Variants in NOS1AP observed in about 807,000 individuals in gnomAD.
NOS1AP encodes the protein carboxyl-terminal PDZ ligand of neuronal nitric oxide synthase protein.
In NOS1AP, 21 loss-of-function variants were observed where a neutral mutation model predicts 56.2. The observed-to-expected ratio is 0.37, with a 90% CI of 0.26 to 0.54. The LOEUF (loss-of-function observed/expected upper bound fraction) is 0.54. NOS1AP is among the 20% of genes least tolerant of loss of function. NOS1AP has a pLI of 0.84. For missense variants in NOS1AP, 522 were observed against 657.8 expected, an observed-to-expected ratio of 0.79 and a Z score of 2.26; for synonymous variants, 270 against 274.6, an observed-to-expected ratio of 0.98 and a Z score of 0.17.
intron 5 of NOS1AP, among the ~76,000 whole-genome samples, chr1:162,335,780 C>A (rs899707665): frequency 6.6e-6 from 1 of 152,166 alleles, no homozygotes; most frequent in African/African-American, 2.4e-5. Context: ...ATGTCCCCTG[C>A]GTATATGCTC....
chr1:162,259,486 C>A (rs1654140441), intron 2 of NOS1AP, among the ~76,000 whole-genome samples: 1 of 151,996 alleles, frequency 6.6e-6, no homozygotes, highest in African/African-American at 2.4e-5. Context: ...TTGACTTTGC[C>A]ATTCTATAAT....
chr1:162,320,488 G>A (rs1302935143), intron 4 of NOS1AP, among the ~76,000 whole-genome samples: 1 of 152,192 alleles, frequency 6.6e-6, no homozygotes, highest in Non-Finnish European at 1.5e-5. Flanking sequence ...GAAAAGAGAA[G>A]AGGAAGGGTC....
intron 3 of NOS1AP, among the ~76,000 whole-genome samples, chr1:162,294,222 A>AAGAAGGAG (rs1553202664): frequency 2.0e-5 from 3 of 147,732 alleles, no homozygotes; most frequent in Admixed American, 6.7e-5. Flanking sequence ...GAAGGAAGGA[A>AAGAAGGAG]GGAAGAAAGA....
Position 162,186,335 on chromosome 1 carries a change from T to G in NOS1AP, c.177+31859T>G, listed in dbSNP as rs374830037. Among the ~76,000 whole-genome samples the G allele has an allele frequency of 3.1e-3, 469 of 150,786 alleles. 1 individual carries two copies. The highest frequency in any genetic ancestry group is 0.011 in the African/African-American group (450 of 40,636). On this transcript the variant is annotated intron_variant, in intron 2 of 9. Transcript: ENST00000361897. ...AATTATTGTTAAACAGTAATTTCTG[T>G]TTTTTTTAATGTAAAGCCTGACTCA...
chr1:162,282,897 G>T (rs1438083284), intron 2 of NOS1AP, among the ~76,000 whole-genome samples: 1 of 152,170 alleles, frequency 6.6e-6, no homozygotes, highest in African/African-American at 2.4e-5. Context: ...GCAGGTCTTG[G>T]CTGACATCTG....
chr1:162,323,232 G>A (rs1459699555), intron 4 of NOS1AP, among the ~76,000 whole-genome samples: 1 of 152,188 alleles, frequency 6.6e-6, no homozygotes, highest in Non-Finnish European at 1.5e-5. Flanking sequence ...CTAGAGTGAC[G>A]CTGCTGCAAA....
At chr1:162,301,583 G>C (rs1187236955) in intron 4 of NOS1AP, among the ~76,000 whole-genome samples, 1 of 152,226 alleles carries the variant, frequency 6.6e-6, no homozygotes, top group Non-Finnish European at 1.5e-5. Context: ...TGCCAACCAT[G>C]TGTATTGTCC....
intron 1 of NOS1AP, among the ~76,000 whole-genome samples, chr1:162,122,794 G>C (rs12089395): frequency 6.6e-6 from 1 of 151,986 alleles, no homozygotes; most frequent in Non-Finnish European, 1.5e-5. Context: ...CATGAGCCAT[G>C]GCACCCAGCC....
At chr1:162,227,331 C>T (rs1652979364) in intron 2 of NOS1AP, among the ~76,000 whole-genome samples, 1 of 152,170 alleles carries the variant, frequency 6.6e-6, no homozygotes, top group African/African-American at 2.4e-5. Context: ...TAAGCACATT[C>T]AGAATTATTT....
At chr1:162,283,121 T>C (rs1169277302) in intron 2 of NOS1AP, among the ~76,000 whole-genome samples, 2 of 151,598 alleles carry the variant, frequency 1.3e-5, no homozygotes, top group Admixed American at 6.6e-5. Flanking sequence ...TGTGTGTGTG[T>C]TAAAAATCCA....
intron 1 of NOS1AP, among the ~76,000 whole-genome samples, chr1:162,110,037 A>G (rs1327020935): frequency 6.6e-6 from 1 of 152,134 alleles, no homozygotes; most frequent in African/African-American, 2.4e-5. Flanking sequence ...AAAGCCATCA[A>G]CCTAGAGAGG....
intron 5 of NOS1AP, among the ~76,000 whole-genome samples, chr1:162,336,859 A>G (rs1656956866): frequency 6.6e-6 from 1 of 152,184 alleles, no homozygotes; most frequent in African/African-American, 2.4e-5. Flanking sequence ...GTGACTGGGA[A>G]GGATTGTCAG....
At chr1:162,295,467 A>G (rs1655427321) in intron 3 of NOS1AP, among the ~76,000 whole-genome samples, 1 of 152,200 alleles carries the variant, frequency 6.6e-6, no homozygotes, top group Non-Finnish European at 1.5e-5. Context: ...TTATAATCCC[A>G]TAGGTTTGGG....
chr1:162,339,669 G>A (rs991742633), intron 5 of NOS1AP, among the ~76,000 whole-genome samples: 1 of 152,184 alleles, frequency 6.6e-6, no homozygotes, highest in South Asian at 2.1e-4. Flanking sequence ...TCCCTCTTGG[G>A]TGCAGACATG....
intron 5 of NOS1AP, among the ~76,000 whole-genome samples, chr1:162,337,921 G>A (rs1425920680): frequency 1.3e-5 from 2 of 152,170 alleles, no homozygotes; most frequent in East Asian, 1.9e-4. Context: ...AGATCCTACT[G>A]TATGTAGAAG....
intron 3 of NOS1AP, among the ~76,000 whole-genome samples, chr1:162,292,036 A>C (rs17460657): frequency 0.044 from 6,711 of 152,322 alleles, 225 homozygotes; most frequent in Non-Finnish European, 0.069. Flanking sequence ...TGAACCAATA[A>C]CTTTCTTGGG....
intron 2 of NOS1AP, among the ~76,000 whole-genome samples, chr1:162,230,954 G>T (rs1312089513): frequency 6.6e-6 from 1 of 152,152 alleles, no homozygotes; most frequent in Non-Finnish European, 1.5e-5. Context: ...GTGAACATAG[G>T]TGTACAAATA....
intron 6 of NOS1AP, among the ~76,000 whole-genome samples, chr1:162,351,191 A>G (rs6679782): frequency 6.6e-6 from 1 of 152,264 alleles, no homozygotes; most frequent in African/African-American, 2.4e-5. Context: ...TACTCAGCCC[A>G]TACACATAAA....
At chr1:162,090,187 G>C (rs1334114318) in intron 1 of NOS1AP, among the ~76,000 whole-genome samples, 2 of 149,898 alleles carry the variant, frequency 1.3e-5, no homozygotes, top group African/African-American at 2.4e-5. Flanking sequence ...TTTTATCTAT[G>C]CTCTTTGTAT....
Sources: gnomAD v4.1 joint callset for allele counts (sites outside exome capture counted in the v4.1 genomes callset) on GRCh38, gnomAD v4.1.1 for gene constraint, MANE v1.5 for transcripts, NCBI Gene and HGNC (gene_info 2026-07-23, HGNC 2026-07-21) for gene names.